The following ABCA10 variants were observed in gnomAD, a reference collection of about 807,000 sequenced individuals.
ABCA10 encodes ATP-binding cassette sub-family A member 10.
A neutral mutation model predicts 187.5 loss-of-function variants in ABCA10; 169 were observed. That is an observed-to-expected ratio of 0.90 (90% CI 0.80 to 1.02). The LOEUF (loss-of-function observed/expected upper bound fraction) is 1.02. Ranked by LOEUF, ABCA10 falls within the 50% of genes least tolerant of loss-of-function variation. The pLI, the probability that ABCA10 is intolerant of heterozygous loss-of-function variation, is 0.00. For synonymous variants in ABCA10, 574 were observed against 601.8 expected, an observed-to-expected ratio of 0.95 and a Z score of 0.68; for missense variants, 1,727 against 1,812.4, an observed-to-expected ratio of 0.95 and a Z score of 0.86.
rs77425717 is a variant in ABCA10, at chr17:69,162,577, G to T, written c.3363+1497C>A. On this transcript the variant is annotated intron_variant, in intron 27 of 38. Transcript: ENST00000690296. ...GAGAGTTCCTTTGGGAAATTATTGA[G>T]GGGTATCCACCTACAGTTCTGATTT... Among the ~76,000 whole-genome samples the T allele has an allele frequency of 9.0e-3, 1,372 of 152,184 alleles. 16 individuals are homozygous for T. Among genetic ancestry groups the T allele is most frequent in the African/African-American group, 0.03 (1,260 of 41,532 alleles).
At chr17:69,237,208 T>C (rs2074877356) in intron 1 of ABCA10, among the ~76,000 whole-genome samples, 1 of 152,208 alleles carries the variant, frequency 6.6e-6, no homozygotes, top group Admixed American at 6.5e-5. Flanking sequence ...TGGAATTTAT[T>C]GGCAGAGAGA....
At chr17:69,182,547 T>C in intron 21 of ABCA10, 128 bp downstream of exon 21, 1 of 1,195,804 alleles carries the variant, frequency 8.4e-7, no homozygotes, top group Non-Finnish European at 1.1e-6. Flanking sequence ...CAAAGAAAGT[T>C]TCAAGCCTCC....
intron 34 of ABCA10, among the ~76,000 whole-genome samples, chr17:69,152,825 A>C (rs2074140745): frequency 6.6e-6 from 1 of 151,948 alleles, no homozygotes; most frequent in African/African-American, 2.4e-5. Flanking sequence ...TAAATAAATA[A>C]ATAAATAGGC....
At chr17:69,160,477 T>C (rs891574075) in intron 27 of ABCA10, among the ~76,000 whole-genome samples, 2 of 151,968 alleles carry the variant, frequency 1.3e-5, no homozygotes, top group Non-Finnish European at 1.5e-5. Context: ...TGTGGTAGCA[T>C]GCACCCATAG....
intron 22 of ABCA10, among the ~76,000 whole-genome samples, chr17:69,180,984 C>T (rs2074376298): frequency 6.6e-6 from 1 of 151,996 alleles, no homozygotes; most frequent in African/African-American, 2.4e-5. Context: ...AATTGCACTT[C>T]ACACCCCAAG....
At chr17:69,152,630 T>A (rs2074139145) in intron 34 of ABCA10, 149 bp from the exon 35 acceptor site, 1 of 1,183,108 alleles carries the variant, frequency 8.5e-7, no homozygotes, top group African/African-American at 1.6e-5. Flanking sequence ...CACAAAAAAA[T>A]TTAAAAATTA....
chr17:69,197,583 A>C (rs944523186), intron 10 of ABCA10, among the ~76,000 whole-genome samples: 1 of 152,188 alleles, frequency 6.6e-6, no homozygotes, highest in Non-Finnish European at 1.5e-5. Context: ...ACTACTCCAC[A>C]AAAAACTATT....
rs557056903 is a variant in ABCA10, at chr17:69,159,376, AT to A, written c.3364-2454del. Among the ~76,000 whole-genome samples, 6 of 152,082 alleles carry A rather than the reference AT, an allele frequency of 3.9e-5. No individual in the cohort carries two copies. In the East Asian group the frequency reaches 9.6e-4, roughly 24 times the overall value. On this transcript the variant is annotated intron_variant, in intron 27 of 38. Coordinates refer to ENST00000690296, the MANE Select transcript of ABCA10 (RefSeq NM_001377321.1). ...ATAGGGGAGAGAGAAAGAACAGAAA[AT>A]TTTTTTTAAGAAATGATGGCCCAAA...
upstream of ABCA10, among the ~76,000 whole-genome samples, chr17:69,232,497 C>T (rs139795672): frequency 4.4e-3 from 674 of 152,158 alleles, 8 homozygotes; most frequent in African/African-American, 0.015. Context: ...AATAAAAAAA[C>T]TGTACACTTA....
chr17:69,174,583 C>T (rs989576549), intron 24 of ABCA10, 24 bp downstream of exon 24: 2 of 1,559,640 alleles, frequency 1.3e-6, no homozygotes, highest in Non-Finnish European at 1.7e-6. Context: ...TTATAATTGG[C>T]TTGTGGAAAA....
At chr17:69,174,834 T>C (rs1380981906) in intron 23 of ABCA10, 57 bp from the exon 24 acceptor site, 7 of 1,400,566 alleles carry the variant, frequency 5.0e-6, no homozygotes, top group Middle Eastern at 1.9e-4. Context: ...GATTTTGTGG[T>C]TATGTAAAAA....
At chr17:69,177,000 TC>T (rs2074339792) in intron 22 of ABCA10, among the ~76,000 whole-genome samples, 1 of 152,164 alleles carries the variant, frequency 6.6e-6, no homozygotes, top group African/African-American at 2.4e-5. Flanking sequence ...TCTCTGCTTT[TC>T]TTTGCTCCCC....
intron 25 of ABCA10, among the ~76,000 whole-genome samples, chr17:69,167,287 A>G (rs2074260985): frequency 1.3e-5 from 2 of 152,180 alleles, no homozygotes; most frequent in African/African-American, 4.8e-5. Flanking sequence ...CAGGCTCATT[A>G]CACACAGTAC....
intron 9 of ABCA10, among the ~76,000 whole-genome samples, chr17:69,208,607 G>T (rs979814835): frequency 6.6e-6 from 1 of 151,920 alleles, no homozygotes; most frequent in Non-Finnish European, 1.5e-5. Flanking sequence ...GGGCTTTGGG[G>T]GCTAAAGAAA....
chr17:69,160,839 A>C (rs1156958073), intron 27 of ABCA10, among the ~76,000 whole-genome samples: 1 of 152,120 alleles, frequency 6.6e-6, no homozygotes, highest in Admixed American at 6.6e-5. Context: ...ATTTCTATGG[A>C]AAACAGTATG....
chr17:69,197,565 C>G (rs2074515114), intron 10 of ABCA10, among the ~76,000 whole-genome samples: 1 of 152,190 alleles, frequency 6.6e-6, no homozygotes, highest in South Asian at 2.1e-4. Context: ...AACATAGCTT[C>G]TCACTATACT....
At position 69,185,568 on chromosome 17, in the gene ABCA10, AT is replaced by A; in HGVS notation, c.2405del (p.His802LeufsTer26). 6.2e-7 allele frequency: 1 copy of A among 1,612,704 alleles called. No homozygotes were observed. Among genetic ancestry groups the A allele is most frequent in the Non-Finnish European group, 8.5e-7 (1 of 1,178,890 alleles). The part of the protein sequence containing the change: ...KIMYKVTRET[H>X]CWEFSPSMYF... ...ACATACTGGGTGAAAACTCCCAACA[AT>A]GAGTTTCACGAGTTACTTTATACAT... is the stretch of plus-strand genomic sequence containing the variant. On this transcript the variant is annotated frameshift_variant, in exon 20 of 39. Coordinates refer to ENST00000690296, the MANE Select transcript of ABCA10 (RefSeq NM_001377321.1).
rs2074384988 is a variant in ABCA10, at chr17:69,182,220, C to G, written c.2702G>C (p.Ser901Thr). 2 of 1,599,966 alleles carry G rather than the reference C, an allele frequency of 1.3e-6. No individual in the cohort carries two copies. The highest frequency in any genetic ancestry group is 2.2e-5 in the South Asian group (2 of 89,068). Residue 901 changes from serine to threonine, a missense_variant, in exon 22 of 39, where the codon AGC becomes ACC. Coordinates refer to ENST00000690296, the MANE Select transcript of ABCA10 (RefSeq NM_001377321.1). Reference protein sequence around the residue: ...NCFPVLMGIVSNALMGIFNFT... With the variant: ...NCFPVLMGIVTNALMGIFNFT... ...GTTAAAAATTCCCATAAGGGCATTG[C>G]TAACAATTCCCATAAGAACAGGAAA...
At chr17:69,207,223 C>T (rs1451283776) in intron 9 of ABCA10, among the ~76,000 whole-genome samples, 1 of 151,998 alleles carries the variant, frequency 6.6e-6, no homozygotes, top group East Asian at 1.9e-4. Flanking sequence ...GGGATGCTAT[C>T]GAAAAGATGA....
Sources: gnomAD v4.1 joint callset for allele counts (sites outside exome capture counted in the v4.1 genomes callset) on GRCh38, gnomAD v4.1.1 for gene constraint, MANE v1.5 for transcripts, NCBI Gene and HGNC (gene_info 2026-07-23, HGNC 2026-07-21) for gene names.